SGCZ: variants seen among roughly 807,000 people sequenced by gnomAD.
SGCZ encodes sarcoglycan zeta.
A neutral mutation model predicts 41.3 loss-of-function variants in SGCZ; 40 were observed. The ratio of observed to expected loss-of-function variants is 0.97; its 90% CI spans 0.75 to 1.26. The LOEUF is 1.26. Ranked by LOEUF, SGCZ falls within the 50% of genes most tolerant of loss-of-function variation. The pLI is 0.00. For synonymous variants in SGCZ, 206 were observed against 137.5 expected, an observed-to-expected ratio of 1.50 and a Z score of -3.49; for missense variants, 552 against 369.8, an observed-to-expected ratio of 1.49 and a Z score of -4.04.
intron 1 of SGCZ, among the ~76,000 whole-genome samples, chr8:14,660,272 G>A (rs1360881789): frequency 6.6e-6 from 1 of 152,094 alleles, no homozygotes; most frequent in South Asian, 2.1e-4. Flanking sequence ...TACTGTCATA[G>A]AAAAATAGCT....
At chr8:14,356,560 T>C (rs1333424905) in intron 2 of SGCZ, among the ~76,000 whole-genome samples, 1 of 152,142 alleles carries the variant, frequency 6.6e-6, no homozygotes, top group Non-Finnish European at 1.5e-5. Context: ...ATAAAAAGTG[T>C]AGATGCTCCT....
chr8:14,598,563 T>C (rs1805489248), intron 1 of SGCZ, among the ~76,000 whole-genome samples: 2 of 151,894 alleles, frequency 1.3e-5, no homozygotes, highest in African/African-American at 2.4e-5. Context: ...GGGTCCACTC[T>C]GTAGCCAGGC....
intron 1 of SGCZ, among the ~76,000 whole-genome samples, chr8:14,740,552 A>G (rs1395603095): frequency 6.6e-6 from 1 of 152,026 alleles, no homozygotes; most frequent in Admixed American, 6.6e-5. Flanking sequence ...ATGATGTCCC[A>G]TTGTTTTTAA....
chr8:14,375,141 G>GACAA (rs1554508444), intron 2 of SGCZ, among the ~76,000 whole-genome samples: 32 of 146,482 alleles, frequency 2.2e-4, no homozygotes, highest in African/African-American at 8.3e-4. Context: ...CAGACAGACA[G>GACAA]ACAGATAGAT....
chr8:14,756,867 A>G (rs933694521), intron 1 of SGCZ, among the ~76,000 whole-genome samples: 2 of 152,228 alleles, frequency 1.3e-5, no homozygotes, highest in Admixed American at 6.5e-5. Context: ...CCAACAGTAA[A>G]GAGTATCACA....
chr8:14,429,691 C>A lies in SGCZ; in HGVS notation c.235-105487G>T, dbSNP rs146129695. 4.6e-5 allele frequency among the ~76,000 whole-genome samples: 7 copies of A among 152,158 alleles called. No individual in the cohort carries two copies. The East Asian group carries it at 1.2e-3, about 25-fold the overall frequency. Reference sequence around the variant, plus strand: ...AAAATCAATGACTAGCGTGGCTAATCGTCCTTAGAAGAAGAGGACAAAACA... The same window carrying A: ...AAAATCAATGACTAGCGTGGCTAATAGTCCTTAGAAGAAGAGGACAAAACA... On this transcript the variant is annotated intron_variant, in intron 2 of 7. Transcript: ENST00000382080.
rs1356852869 is a variant in SGCZ at position 14,321,577 on chromosome 8, G to A, written c.336+2526C>T. On this transcript the variant is annotated intron_variant, in intron 3 of 7. Transcript: ENST00000382080. Reference sequence around the variant, plus strand: ...AAATAAGAAAATTCTGTATGTCAGAGTGAAATACTGGCTAAATTTAAAGAG... The same window carrying A: ...AAATAAGAAAATTCTGTATGTCAGAATGAAATACTGGCTAAATTTAAAGAG... Among the ~76,000 whole-genome samples the A allele has an allele frequency of 3.3e-5, 5 of 152,218 alleles. No individual in the cohort carries two copies. In the East Asian group the frequency reaches 9.7e-4, roughly 29 times the overall value.
intron 1 of SGCZ, among the ~76,000 whole-genome samples, chr8:15,178,443 G>T (rs1077592): frequency 6.6e-6 from 1 of 151,920 alleles, no homozygotes; most frequent in Non-Finnish European, 1.5e-5. Flanking sequence ...TATATTAAGA[G>T]GACATATTTT....
chr8:14,479,749 T>TTTTTTTTTTTTTTTTTTTTTTTTG (rs1563356608), intron 2 of SGCZ, among the ~76,000 whole-genome samples: 1 of 89,400 alleles, frequency 1.1e-5, no homozygotes, highest in Non-Finnish European at 2.8e-5. Context: ...TTTTTTTTTT[T>TTTTTTTTTTTTTTTTTTTTTTTTG]TTTTTTTTTT....
intron 1 of SGCZ, among the ~76,000 whole-genome samples, chr8:14,759,629 T>G (rs1452847624): frequency 6.6e-6 from 1 of 152,166 alleles, no homozygotes; most frequent in Non-Finnish European, 1.5e-5. Flanking sequence ...TTACCTTTTG[T>G]ATCATACTGA....
At chr8:14,252,932 C>A (rs1373146535) in intron 3 of SGCZ, among the ~76,000 whole-genome samples, 1 of 152,108 alleles carries the variant, frequency 6.6e-6, no homozygotes, top group African/African-American at 2.4e-5. Flanking sequence ...GAAAATACAT[C>A]TTTTTGTAAC....
chr8:14,607,244 A>G (rs1472810958), intron 1 of SGCZ, among the ~76,000 whole-genome samples: 1 of 152,160 alleles, frequency 6.6e-6, no homozygotes, highest in African/African-American at 2.4e-5. Flanking sequence ...TTTGTTTCCC[A>G]ATGGTCATCC....
intron 1 of SGCZ, among the ~76,000 whole-genome samples, chr8:15,098,916 G>T (rs919669965): frequency 2.0e-5 from 3 of 152,128 alleles, no homozygotes; most frequent in African/African-American, 7.2e-5. Flanking sequence ...AAATTAGCCG[G>T]GGGTGGTGGT....
intron 3 of SGCZ, among the ~76,000 whole-genome samples, chr8:14,281,389 T>C (rs1206844315): frequency 2.6e-5 from 4 of 151,992 alleles, no homozygotes; most frequent in Non-Finnish European, 4.4e-5. Context: ...TCCACTACTA[T>C]CCTCAATTTT....
chr8:15,063,157 C>T (rs117583247), intron 1 of SGCZ, among the ~76,000 whole-genome samples: 5,943 of 152,106 alleles, frequency 0.039, 148 homozygotes, highest in Non-Finnish European at 0.057. Context: ...TGTATGATTT[C>T]CCACTAGTTC....
intron 3 of SGCZ, among the ~76,000 whole-genome samples, chr8:14,247,890 T>C (rs1799160587): frequency 6.6e-6 from 1 of 152,174 alleles, no homozygotes; most frequent in African/African-American, 2.4e-5. Flanking sequence ...AATTTAGACA[T>C]TGTGTCTTAT....
chr8:14,921,052 C>A lies in SGCZ; in HGVS notation c.39+316533G>T, dbSNP rs150356226. ...TGGATTTAGGGTAAAAAGGTCCAAC[C>A]CTTTTATCTTCATGAGGGACCATCC... On this transcript the variant is annotated intron_variant, in intron 1 of 7. Transcript: ENST00000382080. Among the ~76,000 whole-genome samples the A allele has an allele frequency of 5.6e-3, 850 of 152,250 alleles. 6 individuals are homozygous for A. Among genetic ancestry groups the A allele is most frequent in the African/African-American group, 0.019 (782 of 41,542 alleles).
chr8:14,970,339 G>C (rs919400520), intron 1 of SGCZ, among the ~76,000 whole-genome samples: 6 of 152,076 alleles, frequency 3.9e-5, no homozygotes, highest in Non-Finnish European at 8.8e-5. Flanking sequence ...TTCTGGAAGA[G>C]CAGAGCTTTT....
intron 1 of SGCZ, among the ~76,000 whole-genome samples, chr8:14,977,844 G>A (rs1301807553): frequency 6.6e-6 from 1 of 151,092 alleles, no homozygotes; most frequent in East Asian, 1.9e-4. Flanking sequence ...ATCATATCAT[G>A]AACTAGTTAT....
Sources: allele counts gnomAD v4.1 joint callset (sites outside exome capture counted in the v4.1 genomes callset), GRCh38; gene constraint gnomAD v4.1.1; transcripts MANE v1.5; gene names NCBI Gene and HGNC (gene_info 2026-07-23, HGNC 2026-07-21).